CYP4X1: variants seen among roughly 807,000 people sequenced by gnomAD.
The protein encoded by CYP4X1 is cytochrome P450 family 4 subfamily X member 1.
CYP4X1 carries 44 observed loss-of-function variants against 57.9 expected under a neutral mutation model. The ratio of observed to expected loss-of-function variants is 0.76; its 90% CI spans 0.60 to 0.98. The LOEUF (loss-of-function observed/expected upper bound fraction) is 0.98, where lower values mean the gene tolerates loss of function less well. Ranked by LOEUF, CYP4X1 falls within the 50% of genes least tolerant of loss-of-function variation. CYP4X1 has a pLI of 0.00. For synonymous variants in CYP4X1, 227 were observed against 228.6 expected (o/e 0.99, Z 0.06); for missense variants, 532 against 623.9 (o/e 0.85, Z 1.57).
the CYP4X1 span, among the ~76,000 whole-genome samples, chr1:46,995,452 A>G: frequency 5.9e-5 from 9 of 152,310 alleles, no homozygotes; most frequent in Admixed American, 2.0e-4. Flanking sequence ...AGGGACAAGC[A>G]CCGAGAAAAT....
At chr1:47,007,362 G>T in the CYP4X1 span, among the ~76,000 whole-genome samples, 2 of 152,196 alleles carry the variant, frequency 1.3e-5, no homozygotes, top group Non-Finnish European at 2.9e-5. Flanking sequence ...CTGCAGCTGA[G>T]GGTCCTGACT....
In CYP4X1 at chr1:47,050,212, G is replaced by A. The variant is rs571209485; in HGVS notation, c.*38G>A. 30 of 1,607,470 alleles carry A rather than the reference G, an allele frequency of 1.9e-5. No individual in the cohort carries two copies. Among genetic ancestry groups the A allele is most frequent in the African/African-American group, 1.1e-4 (8 of 74,696 alleles). On this transcript the variant is annotated 3_prime_UTR_variant, in exon 12 of 12. Transcript: ENST00000371901. The stretch of plus-strand genomic sequence containing the variant: ...AATGATTAAACGTACTTTGTTTTTC[G>A]AAGTTAAATTTACAGCTAATGATCC...
downstream of CYP4X1, among the ~76,000 whole-genome samples, chr1:47,052,132 G>C (rs1376491822): frequency 4.0e-5 from 6 of 151,864 alleles, no homozygotes; most frequent in South Asian, 6.2e-4. Context: ...AGGTTGCCAG[G>C]TGCTTCTAAA....
At chr1:47,034,116 C>G (rs190837869) in intron 4 of CYP4X1, among the ~76,000 whole-genome samples, 1 of 152,236 alleles carries the variant, frequency 6.6e-6, no homozygotes, top group East Asian at 1.9e-4. Flanking sequence ...TCAAATTTGC[C>G]ATGAAACATA....
intron 1 of CYP4X1, among the ~76,000 whole-genome samples, chr1:47,024,865 G>T (rs1644044945): frequency 6.6e-6 from 1 of 152,180 alleles, no homozygotes; most frequent in South Asian, 2.1e-4. Context: ...GCTACTACAC[G>T]ATCCTTTGGT....
rs151033369 is a variant in CYP4X1, at chr1:47,033,165, G to A, written c.365-76G>A. ...TGCCTGTGGGTCATGGTTACTCCAC[G>A]CTGCCTGTGTTCCTCATCTATCCTT... On this transcript the variant is annotated intron_variant, in intron 3 of 11. Coordinates refer to ENST00000371901, the MANE Select transcript of CYP4X1 (RefSeq NM_178033.2). 2,626 of 1,530,838 alleles carry A rather than the reference G, an allele frequency of 1.7e-3. 37 individuals carry two copies. In the African/African-American group the frequency reaches 0.032, roughly 19 times the overall value. 94.8% of individuals were successfully genotyped at this position (1,530,838 alleles called of 1,614,324 possible).
chr1:46,967,889 A>G, the CYP4X1 span: 1 of 814,462 alleles, frequency 1.2e-6, no homozygotes, highest in Non-Finnish European at 1.8e-6. Context: ...GCAGACAGTG[A>G]ATTGATAAGA....
the CYP4X1 span, among the ~76,000 whole-genome samples, chr1:47,011,862 C>A: frequency 6.6e-6 from 1 of 152,178 alleles, no homozygotes; most frequent in South Asian, 2.1e-4. Flanking sequence ...CAATGAGATA[C>A]CATCTCACAC....
At chr1:46,975,416 C>T in the CYP4X1 span, among the ~76,000 whole-genome samples, 4 of 152,030 alleles carry the variant, frequency 2.6e-5, no homozygotes, top group East Asian at 1.9e-4. Flanking sequence ...TTCTCTTTTG[C>T]TTATGAAGCT....
the CYP4X1 span, among the ~76,000 whole-genome samples, chr1:46,969,583 C>T: frequency 6.6e-6 from 1 of 151,960 alleles, no homozygotes; most frequent in Admixed American, 6.6e-5. Flanking sequence ...TTCTAAAAAA[C>T]TTATTTCTAC....
chr1:47,003,682 CAACA>C, the CYP4X1 span, among the ~76,000 whole-genome samples: 1 of 151,990 alleles, frequency 6.6e-6, no homozygotes, highest in East Asian at 1.9e-4. Flanking sequence ...CCACACTTTA[CAACA>C]ACCAGGTCTC....
At chr1:47,042,690 T>C (rs768732213) in intron 8 of CYP4X1, among the ~76,000 whole-genome samples, 1 of 152,200 alleles carries the variant, frequency 6.6e-6, no homozygotes, top group East Asian at 1.9e-4. Flanking sequence ...CTCCCACTTA[T>C]GAGTGAGAAC....
rs187945700 is a variant in CYP4X1 at position 47,034,860 on chromosome 1, T to C, written c.493-946T>C. Among the ~76,000 whole-genome samples, 31 of 152,106 alleles carry C rather than the reference T, an allele frequency of 2.0e-4. 1 individual carries two copies. The highest frequency in any genetic ancestry group is 9.8e-4 in the Admixed American group (15 of 15,276). ...TATTTCTCCGGGATTTTTCTCACAC[T>C]TCCTTCCTCTGCTGCATCATTCCAG... On this transcript the variant is annotated intron_variant, in intron 4 of 11. Transcript: ENST00000371901.
Position 47,031,484 on chromosome 1 carries a change from T to G in CYP4X1, c.364+4T>G. On this transcript the variant is annotated splice_donor_region_variant and intron_variant, in intron 3 of 11. Transcript: ENST00000371901. ...AAATTCTCACCTCCACTTCTTGGTA[T>G]GTATGTGCAAATGAGAGGTATAACC... The G allele has an allele frequency of 6.2e-7, 1 of 1,614,074 alleles. No homozygotes were observed. Among genetic ancestry groups the G allele is most frequent in the Non-Finnish European group, 8.5e-7 (1 of 1,179,944 alleles).
At chr1:47,013,540 T>C in the CYP4X1 span, among the ~76,000 whole-genome samples, 2 of 152,202 alleles carry the variant, frequency 1.3e-5, no homozygotes, top group African/African-American at 2.4e-5. Flanking sequence ...ATAAGTTACA[T>C]TACTTATGTG....
At chr1:47,018,784 C>T (rs902931373), upstream of CYP4X1, among the ~76,000 whole-genome samples, 10 of 151,418 alleles carry the variant, frequency 6.6e-5, no homozygotes, top group Non-Finnish European at 1.2e-4. Context: ...TTAGGAAAAA[C>T]GGGGAAAAAA....
chr1:47,038,730 G>A lies in CYP4X1; in HGVS notation c.846G>A (p.Lys282=). The part of the protein sequence containing the change: ...GVKQDNTPKR[K]YQDFLDIVLS... ...AGCAGGATAACACTCCGAAGAGGAA[G>A]TACCAGGATTTTCTGGATATTGTCC... Residue 282 remains lysine, a synonymous_variant, in exon 7 of 12, where the codon AAG becomes AAA. Transcript: ENST00000371901. 1 of 1,610,874 alleles carries A rather than the reference G, an allele frequency of 6.2e-7. No individual in the cohort carries two copies. The highest frequency in any genetic ancestry group is 8.5e-7 in the Non-Finnish European group (1 of 1,178,506).
intron 1 of CYP4X1, among the ~76,000 whole-genome samples, chr1:47,025,251 T>TGTG (rs1644050237): frequency 6.6e-6 from 1 of 152,184 alleles, no homozygotes; most frequent in Admixed American, 6.5e-5. Context: ...TCTCTCACCA[T>TGTG]GTGGTCTCTG....
At chr1:46,967,809 C>G in the CYP4X1 span, 9 of 1,359,148 alleles carry the variant, frequency 6.6e-6, no homozygotes, top group Admixed American at 9.7e-5. Flanking sequence ...CAAAGCGGAG[C>G]AGGGTCAGGG....
Sources: allele counts gnomAD v4.1 joint callset (sites outside exome capture counted in the v4.1 genomes callset), GRCh38; gene constraint gnomAD v4.1.1; transcripts MANE v1.5; gene names NCBI Gene and HGNC (gene_info 2026-07-23, HGNC 2026-07-21).